The following COPG2 variants were observed in gnomAD, a reference collection of about 807,000 sequenced individuals.
COPG2 encodes coatomer subunit gamma-2.
A neutral mutation model predicts 46.3 loss-of-function variants in COPG2; 37 were observed. The observed-to-expected ratio is 0.80, with a 90% CI of 0.61 to 1.05. COPG2 has a LOEUF of 1.05. Among genes scored for constraint, COPG2 ranks in the 50% least tolerant of loss-of-function variants. COPG2 has a pLI of 0.00. For synonymous variants in COPG2, 159 were observed against 129.7 expected, an observed-to-expected ratio of 1.23 and a Z score of -1.53; for missense variants, 427 against 387.8, an observed-to-expected ratio of 1.10 and a Z score of -0.85.
intron 20 of COPG2, among the ~76,000 whole-genome samples, chr7:130,519,527 A>G (rs1197549527): frequency 6.6e-6 from 1 of 152,214 alleles, no homozygotes; most frequent in Non-Finnish European, 1.5e-5. Context: ...CCACTAAATG[A>G]TACAGCTGAA....
intron 20 of COPG2, among the ~76,000 whole-genome samples, chr7:130,535,860 G>A (rs907756362): frequency 0.23 from 35,246 of 151,702 alleles, 4,747 homozygotes; most frequent in African/African-American, 0.36. Flanking sequence ...ATCTGAGTCC[G>A]GCAAAAGAAG....
At chr7:130,517,049 A>G (rs1453308236) in intron 20 of COPG2, among the ~76,000 whole-genome samples, 1 of 152,154 alleles carries the variant, frequency 6.6e-6, no homozygotes, top group African/African-American at 2.4e-5. Flanking sequence ...TGACAGCTGA[A>G]AGAAGGAGGG....
chr7:130,541,505 G>C (rs976779535), intron 20 of COPG2, among the ~76,000 whole-genome samples: 6 of 152,096 alleles, frequency 3.9e-5, no homozygotes, highest in African/African-American at 1.4e-4. Context: ...GGTTGAGACT[G>C]GGTGTGTATG....
At chr7:130,540,447 T>C (rs1799924933) in intron 20 of COPG2, among the ~76,000 whole-genome samples, 1 of 151,934 alleles carries the variant, frequency 6.6e-6, no homozygotes. Flanking sequence ...TAAGCACCCA[T>C]AAGAAACAGG....
intron 20 of COPG2, among the ~76,000 whole-genome samples, chr7:130,529,834 G>A (rs973732124): frequency 3.1e-4 from 47 of 152,350 alleles, no homozygotes; most frequent in African/African-American, 9.1e-4. Flanking sequence ...GACATAATGC[G>A]ATGGAGACAA....
intron 20 of COPG2, among the ~76,000 whole-genome samples, chr7:130,512,977 G>C (rs1173712292): frequency 6.6e-6 from 1 of 151,888 alleles, no homozygotes; most frequent in Non-Finnish European, 1.5e-5. Flanking sequence ...ATTTAGGCTG[G>C]AGTGTGGAAT....
At position 130,609,383 on chromosome 7, in the gene COPG2, C is replaced by T. The variant is rs539166817; in HGVS notation, c.737+1570G>A. On this transcript the variant is annotated intron_variant, in intron 9 of 23. Coordinates refer to ENST00000425248, the MANE Select transcript of COPG2 (RefSeq NM_012133.6). ...TTTTAAAAATGGGAGTTTCCCTGCA[C>T]AAGCGCTCTCTCTCTTTGCCTGCTG... 2.0e-5 allele frequency among the ~76,000 whole-genome samples: 3 copies of T among 152,308 alleles called. No individual in the cohort carries two copies. In the South Asian group the frequency reaches 6.2e-4, roughly 32 times the overall value.
intron 9 of COPG2, among the ~76,000 whole-genome samples, chr7:130,572,387 C>T (rs1385122999): frequency 1.3e-5 from 2 of 152,064 alleles, no homozygotes; most frequent in Admixed American, 1.3e-4. Flanking sequence ...TTATAGAAAA[C>T]ATTCAACCCA....
intron 5 of COPG2, among the ~76,000 whole-genome samples, chr7:130,640,148 C>T (rs1233073459): frequency 6.8e-6 from 1 of 146,078 alleles, no homozygotes; most frequent in Non-Finnish European, 1.5e-5. Context: ...AGCTTGCAGT[C>T]ACCACCAACC....
chr7:130,568,922 G>GC (rs1793848819), intron 9 of COPG2, among the ~76,000 whole-genome samples: 2 of 152,066 alleles, frequency 1.3e-5, no homozygotes, highest in South Asian at 4.1e-4. Flanking sequence ...TGAAAACCAG[G>GC]CAAATACATG....
intron 3 of COPG2, among the ~76,000 whole-genome samples, chr7:130,666,282 G>A (rs1554461413): frequency 1.3e-5 from 2 of 152,166 alleles, no homozygotes; most frequent in African/African-American, 4.8e-5. Flanking sequence ...GAATTTGCCT[G>A]ATCTTGCACT....
At chr7:130,630,111 C>T (rs1554454967) in intron 5 of COPG2, among the ~76,000 whole-genome samples, 1 of 151,956 alleles carries the variant, frequency 6.6e-6, no homozygotes, top group Non-Finnish European at 1.5e-5. Context: ...TGGGGTTTCA[C>T]CATGTTGGCC....
chr7:130,617,040 C>A lies in COPG2; in HGVS notation c.349G>T (p.Glu117Ter), dbSNP rs1296514477. The A allele has an allele frequency of 6.2e-7, 1 of 1,610,174 alleles. No homozygotes were observed. Among genetic ancestry groups the A allele is most frequent in the Non-Finnish European group, 8.5e-7 (1 of 1,177,498 alleles). ...ATGGCCGGGCCTCGGTATACATCTT[C>A]TTTTCCAGTCATGTCTTTAGTCAGA... ...SSLTKDMTGK[E>*]DVYRGPAIRA... is the part of the protein sequence containing the mutation. Residue 117 changes from glutamate (E) to a stop codon, truncating the protein, a stop_gained, in exon 6 of 24, where the codon GAA becomes TAA. Coordinates refer to ENST00000425248, the MANE Select transcript of COPG2 (RefSeq NM_012133.6). LOFTEE classifies it high-confidence loss of function.
intron 9 of COPG2, among the ~76,000 whole-genome samples, chr7:130,602,262 C>G (rs782421703): frequency 7.0e-4 from 106 of 152,190 alleles, no homozygotes; most frequent in Admixed American, 2.6e-3. Context: ...CAATTTTTTC[C>G]TTATCAATTT....
At chr7:130,551,097 C>T (rs1321054393) in intron 16 of COPG2, 144 bp downstream of exon 16, 1 of 277,532 alleles carries the variant, frequency 3.6e-6, no homozygotes, top group Non-Finnish European at 7.2e-6. Context: ...ATCCTATAAA[C>T]ACAGGTTTCT....
intron 1 of COPG2, 31 bp downstream of exon 1, chr7:130,668,601 T>G: frequency 6.6e-7 from 1 of 1,509,258 alleles, no homozygotes; most frequent in Non-Finnish European, 8.9e-7. Context: ...GTCCCGCGGC[T>G]GAGGGTGGGC....
In COPG2 at chr7:130,608,846, C is replaced by A. The variant is rs956483280; in HGVS notation, c.737+2107G>T. Among the ~76,000 whole-genome samples, 3 of 151,958 alleles carry A rather than the reference C, an allele frequency of 2.0e-5. No homozygotes were observed. In the East Asian group the frequency reaches 5.8e-4, roughly 29 times the overall value. On this transcript the variant is annotated intron_variant, in intron 9 of 23. Coordinates refer to ENST00000425248, the MANE Select transcript of COPG2 (RefSeq NM_012133.6). ...ATTTATCCTACTTGAGTGTCACTGGCCATCTTGGATTCATTTTGGGTTTGT... is the reference window on the plus strand; with the variant it reads ...ATTTATCCTACTTGAGTGTCACTGGACATCTTGGATTCATTTTGGGTTTGT...
chr7:130,514,764 G>C (rs1456461622), intron 20 of COPG2, among the ~76,000 whole-genome samples: 1 of 152,104 alleles, frequency 6.6e-6, no homozygotes, highest in African/African-American at 2.4e-5. Flanking sequence ...ATGAAGAGGG[G>C]TTAAAGCTAA....
chr7:130,530,387 AGAG>A (rs1220055751), intron 20 of COPG2, among the ~76,000 whole-genome samples: 2 of 152,210 alleles, frequency 1.3e-5, no homozygotes, highest in Non-Finnish European at 2.9e-5. Context: ...GAAAGAAAGA[AGAG>A]GAGAAAAGGC....
Sources: gnomAD v4.1 joint callset for allele counts (sites outside exome capture counted in the v4.1 genomes callset) on GRCh38, gnomAD v4.1.1 for gene constraint, MANE v1.5 for transcripts, NCBI Gene and HGNC (gene_info 2026-07-23, HGNC 2026-07-21) for gene names.